The following SLC22A25 variants were observed in gnomAD, a reference collection of about 807,000 sequenced individuals.
SLC22A25 encodes the protein solute carrier family 22 member 25, also known as MGI:2442751, MGI:2385316, MGI:3042283, MGI:3645714, MGI:3605624, MGI:2442750.
A neutral mutation model predicts 45.9 loss-of-function variants in SLC22A25; 44 were observed. The observed-to-expected ratio is 0.96, with a 90% CI of 0.75 to 1.23. SLC22A25 has a LOEUF of 1.23. SLC22A25 is among the 50% of genes most tolerant of loss of function. The pLI, the probability that SLC22A25 is intolerant of heterozygous loss-of-function variation, is 0.00. For missense variants in SLC22A25, 800 were observed against 666.4 expected (o/e 1.20, Z -2.21); for synonymous variants, 283 against 238.6 (o/e 1.19, Z -1.72).
intron 1 of SLC22A25, 124 bp downstream of exon 1, chr11:63,243,310 C>T (rs537136919): frequency 8.7e-6 from 4 of 458,220 alleles, no homozygotes; most frequent in African/African-American, 2.0e-5. Context: ...CTGATGGTGG[C>T]CAACATGATT....
chr11:63,188,630 G>T (rs1360764475), intron 7 of SLC22A25, among the ~76,000 whole-genome samples: 1 of 152,030 alleles, frequency 6.6e-6, no homozygotes, highest in Non-Finnish European at 1.5e-5. Flanking sequence ...TCTTTTAATT[G>T]CGGTGTTAGG....
intron 5 of SLC22A25, among the ~76,000 whole-genome samples, chr11:63,226,984 G>T (rs11231417): frequency 6.6e-6 from 1 of 151,850 alleles, no homozygotes; most frequent in Non-Finnish European, 1.5e-5. Context: ...TCCAAGGGCT[G>T]TTTGGTCAGC....
chr11:63,196,812 A>C (rs559936224), intron 7 of SLC22A25, among the ~76,000 whole-genome samples: 14 of 152,312 alleles, frequency 9.2e-5, no homozygotes, highest in African/African-American at 3.4e-4. Flanking sequence ...GAGGAAGTCA[A>C]ATTGTCCCTG....
intron 5 of SLC22A25, among the ~76,000 whole-genome samples, chr11:63,221,347 T>C (rs965882538): frequency 6.6e-6 from 1 of 152,192 alleles, no homozygotes; most frequent in Non-Finnish European, 1.5e-5. Flanking sequence ...TATCTCACTG[T>C]AGTTTTGATT....
intron 7 of SLC22A25, among the ~76,000 whole-genome samples, chr11:63,216,829 A>G (rs2134814525): frequency 8.5e-6 from 1 of 117,732 alleles, no homozygotes; most frequent in East Asian, 2.4e-4. Flanking sequence ...GTTAAAAAAG[A>G]TTTTCTTATA....
rs183107164 is a variant in SLC22A25 at position 63,204,924 on chromosome 11, C to T, written c.830+12390G>A. ...ACATAATTGGAAGTAAAACATTCCT[C>T]TGCAAATGCAAAAGTATGGAAATCA... is the stretch of plus-strand genomic sequence containing the variant. On this transcript the variant is annotated intron_variant, in intron 7 of 11. Transcript: ENST00000306494. Among the ~76,000 whole-genome samples the T allele has an allele frequency of 5.3e-5, 8 of 152,312 alleles. 1 individual carries two copies. The highest frequency in any genetic ancestry group is 3.9e-4 in the East Asian group (2 of 5,190).
At chr11:63,224,934 C>G (rs928903274) in intron 5 of SLC22A25, among the ~76,000 whole-genome samples, 18 of 152,160 alleles carry the variant, frequency 1.2e-4, no homozygotes, top group African/African-American at 4.3e-4. Context: ...CCTGTCTCTA[C>G]TAAAAATACA....
chr11:63,173,860 A>G (rs949178838), intron 9 of SLC22A25, among the ~76,000 whole-genome samples: 2 of 151,318 alleles, frequency 1.3e-5, no homozygotes, highest in African/African-American at 4.9e-5. Flanking sequence ...TTCCATTGGA[A>G]GAACTAGGGG....
intron 9 of SLC22A25, among the ~76,000 whole-genome samples, chr11:63,170,728 C>G (rs2087849029): frequency 6.6e-6 from 1 of 152,072 alleles, no homozygotes; most frequent in African/African-American, 2.4e-5. Context: ...TGAATTCTCC[C>G]AGAGGTGCAA....
intron 7 of SLC22A25, among the ~76,000 whole-genome samples, chr11:63,195,086 G>A (rs1230309453): frequency 1.3e-5 from 2 of 151,964 alleles, no homozygotes; most frequent in African/African-American, 4.8e-5. Context: ...CAATACAAGA[G>A]CACCCAGATT....
Position 63,229,764 on chromosome 11 carries a change from AC to A in SLC22A25, c.-113del. ...ACACTAAGTGTGTGTGTTGATCCTG[AC>A]CCCACTCTCTTCTTAATGGGCCCTC... On this transcript the variant is annotated 5_prime_UTR_variant, in exon 4 of 12. Transcript: ENST00000306494. 9.0e-7 allele frequency: 1 copy of A among 1,115,202 alleles called. No homozygotes were observed. Among genetic ancestry groups the A allele is most frequent in the Non-Finnish European group, 1.2e-6 (1 of 820,162 alleles). The allele number at this position is 1,115,202 out of a possible 1,614,324, so 69.1% of individuals were successfully genotyped here.
chr11:63,189,415 C>G (rs560707844), intron 7 of SLC22A25, among the ~76,000 whole-genome samples: 2 of 152,146 alleles, frequency 1.3e-5, no homozygotes, highest in Non-Finnish European at 2.9e-5. Flanking sequence ...TCCTCCATCC[C>G]TTTATTTTGA....
chr11:63,199,801 C>T (rs778703357), intron 7 of SLC22A25, among the ~76,000 whole-genome samples: 19 of 145,654 alleles, frequency 1.3e-4, no homozygotes, highest in South Asian at 2.3e-4. Flanking sequence ...CAATAGGCGA[C>T]GTCCGAGAAG....
rs550822400 is a variant in SLC22A25 at position 63,177,867 on chromosome 11, ATATATAATG to A, written c.1070+2784_1070+2792del. On this transcript the variant is annotated intron_variant, in intron 9 of 11. Coordinates refer to ENST00000306494, the MANE Select transcript of SLC22A25 (RefSeq NM_199352.6). ...TATATATATAATGTATATATATAAT[ATATATAATG>A]TATATATATAATATATATATATAAT... Among the ~76,000 whole-genome samples, 100 of 138,346 alleles carry A rather than the reference ATATATAATG, an allele frequency of 7.2e-4. 1 individual carries two copies. The highest frequency in any genetic ancestry group is 2.6e-3 in the African/African-American group (93 of 36,228). The allele number at this position is 138,346 out of a possible 152,430, so 90.8% of individuals were successfully genotyped here.
chr11:63,200,761 T>C (rs966595740), intron 7 of SLC22A25, among the ~76,000 whole-genome samples: 2 of 152,130 alleles, frequency 1.3e-5, no homozygotes, highest in African/African-American at 2.4e-5. Flanking sequence ...GAAAACCCCA[T>C]AGTCTCAGAC....
chr11:63,217,835 A>C (rs2089757558), intron 5 of SLC22A25, 100 bp from the exon 6 acceptor site: 1 of 1,385,490 alleles, frequency 7.2e-7, no homozygotes, highest in East Asian at 2.3e-5. Flanking sequence ...ATGTTTAACA[A>C]GTGAAACTTT....
chr11:63,191,496 G>A (rs2088813331), intron 7 of SLC22A25, among the ~76,000 whole-genome samples: 1 of 151,966 alleles, frequency 6.6e-6, no homozygotes, highest in South Asian at 2.1e-4. Context: ...GTGCTTCCTG[G>A]GTGAGGCAAT....
chr11:63,222,167 ATG>A (rs757456187), intron 5 of SLC22A25, among the ~76,000 whole-genome samples: 11 of 152,230 alleles, frequency 7.2e-5, no homozygotes, highest in Non-Finnish European at 1.6e-4. Flanking sequence ...TCTGAGAATA[ATG>A]TAATTGGTAT....
chr11:63,201,438 G>A (rs565674682), intron 7 of SLC22A25, among the ~76,000 whole-genome samples: 1 of 152,334 alleles, frequency 6.6e-6, no homozygotes, highest in African/African-American at 2.4e-5. Flanking sequence ...ATGGTGCTAT[G>A]ATAACTGGCT....
Sources: allele counts gnomAD v4.1 joint callset (sites outside exome capture counted in the v4.1 genomes callset), GRCh38; gene constraint gnomAD v4.1.1; transcripts MANE v1.5; gene names NCBI Gene and HGNC (gene_info 2026-07-23, HGNC 2026-07-21).